Variants in RUVBL1 observed in about 807,000 individuals in gnomAD.
RUVBL1 encodes RuvB like AAA ATPase 1, also known as ruvB-like 1.
In RUVBL1, 4 loss-of-function variants were observed where a neutral mutation model predicts 52.4. The observed-to-expected ratio is 0.08, with a 90% CI of 0.04 to 0.17. The LOEUF (loss-of-function observed/expected upper bound fraction) is 0.17, where lower values mean the gene tolerates loss of function less well. Among genes scored for constraint, RUVBL1 ranks in the 10% least tolerant of loss-of-function variants. The pLI is 1.00. For missense variants in RUVBL1, 298 were observed against 572.8 expected, an observed-to-expected ratio of 0.52 and a Z score of 4.90; for synonymous variants, 217 against 214.4, an observed-to-expected ratio of 1.01 and a Z score of -0.10.
At chr3:128,072,102 G>A (rs1016866042) in intron 9 of RUVBL1, among the ~76,000 whole-genome samples, 3 of 152,256 alleles carry the variant, frequency 2.0e-5, no homozygotes, top group African/African-American at 7.2e-5. Flanking sequence ...GCTGGCCTCA[G>A]ACCCGACCTG....
At chr3:128,138,301 T>C (rs76464926) in intron 1 of RUVBL1, among the ~76,000 whole-genome samples, 4,012 of 152,002 alleles carry the variant, frequency 0.026, 112 homozygotes, top group Non-Finnish European at 0.039. Context: ...AAAGATTACA[T>C]GCACACACAC....
chr3:128,148,388 G>C (rs958885707), intron 1 of RUVBL1, among the ~76,000 whole-genome samples: 2 of 152,196 alleles, frequency 1.3e-5, no homozygotes, highest in African/African-American at 2.4e-5. Context: ...CAAGAACTGA[G>C]CCAGTTTGCT....
At chr3:128,115,942 A>G (rs1943512170) in intron 2 of RUVBL1, among the ~76,000 whole-genome samples, 1 of 151,816 alleles carries the variant, frequency 6.6e-6, no homozygotes, top group Non-Finnish European at 1.5e-5. Context: ...CCTGGGCAAA[A>G]TGGCGATACC....
intron 9 of RUVBL1, chr3:128,070,601 G>A (rs1942132992): frequency 6.6e-6 from 1 of 152,250 alleles, no homozygotes; most frequent in South Asian, 2.1e-4. Flanking sequence ...GCTGTGTTCA[G>A]AATTTTCTTA....
At chr3:128,148,757 G>A (rs770683424) in intron 1 of RUVBL1, among the ~76,000 whole-genome samples, 1 of 152,108 alleles carries the variant, frequency 6.6e-6, no homozygotes, top group Non-Finnish European at 1.5e-5. Flanking sequence ...TATAGAGAGT[G>A]CATTTTTCAT....
chr3:128,139,998 T>C (rs536549366), intron 1 of RUVBL1, among the ~76,000 whole-genome samples: 33 of 152,224 alleles, frequency 2.2e-4, no homozygotes, highest in African/African-American at 7.5e-4. Flanking sequence ...CAATAACTTA[T>C]TGTACATTTA....
At chr3:128,150,483 T>C (rs1008609462) in intron 1 of RUVBL1, among the ~76,000 whole-genome samples, 1 of 142,436 alleles carries the variant, frequency 7.0e-6, no homozygotes, top group Non-Finnish European at 1.5e-5. Flanking sequence ...ATATATTCCA[T>C]TATATATATA....
intron 5 of RUVBL1, 28 bp from the exon 6 acceptor site, chr3:128,100,772 TG>T (rs745415594): frequency 6.2e-7 from 1 of 1,613,258 alleles, no homozygotes; most frequent in Non-Finnish European, 8.5e-7. Context: ...CATGAGTGCC[TG>T]GTAAGTTTTC....
chr3:128,153,722 A>G, exon 1 of RUVBL1: 1 of 1,572,998 alleles, frequency 6.4e-7, no homozygotes, highest in African/African-American at 1.4e-5. Context: ...CCCGAGTTCC[A>G]GGCAGCGCCC....
chr3:128,150,875 TATTC>T (rs1222022400), intron 1 of RUVBL1, among the ~76,000 whole-genome samples: 1 of 67,760 alleles, frequency 1.5e-5, no homozygotes, highest in African/African-American at 7.5e-5. Flanking sequence ...TATATATATA[TATTC>T]TATATATATA....
chr3:128,151,800 T>A (rs1319184786), intron 1 of RUVBL1, among the ~76,000 whole-genome samples: 2 of 152,164 alleles, frequency 1.3e-5, no homozygotes, highest in African/African-American at 4.8e-5. Context: ...CTGTTCCTAG[T>A]GGAGAGTGGT....
chr3:128,066,971 G>A, intron 9 of RUVBL1: 1 of 1,614,176 alleles, frequency 6.2e-7, no homozygotes, highest in Non-Finnish European at 8.5e-7. Flanking sequence ...GAGTGGACCT[G>A]CCAATCAAGT....
chr3:128,152,034 A>C (rs1944226192), intron 1 of RUVBL1, among the ~76,000 whole-genome samples: 1 of 152,190 alleles, frequency 6.6e-6, no homozygotes, highest in South Asian at 2.1e-4. Flanking sequence ...TTGCACAGGA[A>C]AAGGGCTCTC....
intron 8 of RUVBL1, among the ~76,000 whole-genome samples, chr3:128,089,909 CAAAAAAAAAAAAAAAAAAAAA>C (rs57182193): frequency 1.7e-5 from 1 of 59,314 alleles, no homozygotes; most frequent in African/African-American, 6.7e-5. Flanking sequence ...GACCCTATCT[CAAAAAAAAAAAAAAAAAAAAA>C]AAAAAAAAAA....
At chr3:128,087,113 A>C (rs1001427151) in intron 9 of RUVBL1, among the ~76,000 whole-genome samples, 23 of 152,250 alleles carry the variant, frequency 1.5e-4, no homozygotes, top group African/African-American at 4.6e-4. Flanking sequence ...AAAGCCACAG[A>C]CCTGCCCAGG....
At chr3:128,068,096 T>G in intron 9 of RUVBL1, 1 of 1,542,846 alleles carries the variant, frequency 6.5e-7, no homozygotes, top group Non-Finnish European at 9.0e-7. Flanking sequence ...CTCCCGTCTG[T>G]GGACATGTGT....
chr3:128,091,853 G>A (rs373660332), intron 8 of RUVBL1, among the ~76,000 whole-genome samples: 4 of 152,116 alleles, frequency 2.6e-5, no homozygotes, highest in Admixed American at 2.0e-4. Context: ...TGTCCCCAGC[G>A]GAACAAATTT....
intron 2 of RUVBL1, among the ~76,000 whole-genome samples, chr3:128,117,198 TA>T (rs1212319430): frequency 1.3e-5 from 2 of 152,170 alleles, no homozygotes; most frequent in African/African-American, 4.8e-5. Context: ...AAGAGACAAT[TA>T]GACTGGAACA....
chr3:128,078,743 T>G (rs2107666161), downstream of RUVBL1: 1 of 152,378 alleles, frequency 6.6e-6, no homozygotes, highest in African/African-American at 2.4e-5. Flanking sequence ...CACCAGGGTC[T>G]GTTTCCCTCT....
Sources: gnomAD v4.1 joint callset for allele counts (sites outside exome capture counted in the v4.1 genomes callset) on GRCh38, gnomAD v4.1.1 for gene constraint, MANE v1.5 for transcripts, NCBI Gene and HGNC (gene_info 2026-07-23, HGNC 2026-07-21) for gene names.